OTOGL: variants seen among roughly 807,000 people sequenced by gnomAD.
The protein encoded by OTOGL is otogelin like, also known as otogelin-like protein.
Under a neutral mutation model 318.5 loss-of-function variants are expected in OTOGL, and 285 were observed. The observed-to-expected ratio is 0.89, with a 90% CI of 0.81 to 0.99. The LOEUF (loss-of-function observed/expected upper bound fraction) is 0.99, where lower values mean the gene tolerates loss of function less well. Among genes scored for constraint, OTOGL ranks in the 50% least tolerant of loss-of-function variants. The pLI, the probability that OTOGL is intolerant of heterozygous loss-of-function variation, is 0.00. For missense variants in OTOGL, 2,899 were observed against 2,845.6 expected, an observed-to-expected ratio of 1.02 and a Z score of -0.43; for synonymous variants, 987 against 936.5, an observed-to-expected ratio of 1.05 and a Z score of -0.99.
chr12:80,239,461 T>G, intron 11 of OTOGL, 22 bp downstream of exon 11: 2 of 1,487,640 alleles, frequency 1.3e-6, no homozygotes, highest in South Asian at 1.3e-5. Flanking sequence ...GACTTGTAGT[T>G]GTAATAAAAT....
chr12:80,370,824 G>A, intron 56 of OTOGL, 135 bp downstream of exon 56: 1 of 647,912 alleles, frequency 1.5e-6, no homozygotes, highest in Non-Finnish European at 2.2e-6. Flanking sequence ...ATGAATAAAA[G>A]CTCTGTTCTA....
chr12:80,125,033 C>T (rs1333236049), intron 1 of OTOGL, among the ~76,000 whole-genome samples: 2 of 152,118 alleles, frequency 1.3e-5, no homozygotes, highest in Non-Finnish European at 2.9e-5. Flanking sequence ...CCTTTATTCC[C>T]TTCTCCTGCC....
intron 52 of OTOGL, among the ~76,000 whole-genome samples, chr12:80,361,867 A>G (rs888889321): frequency 1.3e-5 from 2 of 152,062 alleles, no homozygotes; most frequent in Admixed American, 6.6e-5. Flanking sequence ...TTCTTTACAT[A>G]TTTTGGATAT....
At chr12:80,343,086 G>A (rs986782430) in intron 44 of OTOGL, among the ~76,000 whole-genome samples, 3 of 152,112 alleles carry the variant, frequency 2.0e-5, no homozygotes, top group African/African-American at 7.2e-5. Context: ...GTGTTAGCCA[G>A]GATGGTCTCG....
chr12:80,148,196 T>A (rs1479044539), intron 1 of OTOGL, among the ~76,000 whole-genome samples: 1 of 151,644 alleles, frequency 6.6e-6, no homozygotes, highest in Non-Finnish European at 1.5e-5. Flanking sequence ...TGGTACCGGT[T>A]GTTCCTGTCC....
At chr12:80,359,233 G>C (rs1004401959) in intron 52 of OTOGL, among the ~76,000 whole-genome samples, 12 of 152,112 alleles carry the variant, frequency 7.9e-5, no homozygotes, top group Admixed American at 3.3e-4. Flanking sequence ...TTAAGAAAGT[G>C]AGCTAATAAT....
intron 29 of OTOGL, among the ~76,000 whole-genome samples, chr12:80,309,921 C>T (rs893999889): frequency 7.2e-5 from 11 of 151,786 alleles, no homozygotes; most frequent in African/African-American, 2.4e-4. Flanking sequence ...ACGCGTGTAC[C>T]GAATGAGAAA....
At chr12:80,311,586 T>A (rs1565975666) in intron 30 of OTOGL, among the ~76,000 whole-genome samples, 1 of 144,772 alleles carries the variant, frequency 6.9e-6, no homozygotes, top group Admixed American at 6.7e-5. Flanking sequence ...TTTCTATTTT[T>A]AGTAGAGACC....
chr12:80,353,504 G>C lies in OTOGL; in HGVS notation c.5587G>C (p.Glu1863Gln). Reference sequence around the variant, plus strand: ...TTCAGCCCAGTGCATTCCAGAGAAAGAGTGTGGTAAGACACAAAGTACAAA... The same window carrying C: ...TTCAGCCCAGTGCATTCCAGAGAAACAGTGTGGTAAGACACAAAGTACAAA... The part of the protein sequence containing the change: ...PHSAQCIPEK[E>Q]CACTDSEDQP... Residue 1863 changes from glutamate to glutamine, a missense_variant, in exon 46 of 59, where the codon GAG becomes CAG. Transcript: ENST00000547103. 3 of 1,555,530 alleles carry C rather than the reference G, an allele frequency of 1.9e-6. No individual in the cohort carries two copies. Among genetic ancestry groups the C allele is most frequent in the Non-Finnish European group, 2.6e-6 (3 of 1,149,866 alleles).
At chr12:80,178,057 CTTTCTTTTTTT>C (rs1874649643) in intron 1 of OTOGL, among the ~76,000 whole-genome samples, 4 of 125,416 alleles carry the variant, frequency 3.2e-5, no homozygotes, top group Non-Finnish European at 3.3e-5. Context: ...TTCTTTCTTT[CTTTCTTTTTTT>C]TTTTTTTTTT....
chr12:80,230,387 T>C (rs1328178111), intron 8 of OTOGL, among the ~76,000 whole-genome samples: 2 of 152,136 alleles, frequency 1.3e-5, no homozygotes, highest in Non-Finnish European at 1.5e-5. Context: ...TAAAAGAAAG[T>C]TTAGGCATTT....
At chr12:80,156,101 G>A (rs748582051) in intron 1 of OTOGL, among the ~76,000 whole-genome samples, 6 of 152,248 alleles carry the variant, frequency 3.9e-5, no homozygotes, top group Admixed American at 3.9e-4. Context: ...TGTTGCCAAA[G>A]GAGATTAACA....
intron 1 of OTOGL, among the ~76,000 whole-genome samples, chr12:80,163,967 A>C (rs1196060983): frequency 6.6e-6 from 1 of 152,174 alleles, no homozygotes; most frequent in Non-Finnish European, 1.5e-5. Context: ...GGAGGCTATG[A>C]AGAATTGAGG....
chr12:80,147,031 G>A (rs1872427114), intron 1 of OTOGL, among the ~76,000 whole-genome samples: 1 of 151,258 alleles, frequency 6.6e-6, no homozygotes, highest in African/African-American at 2.4e-5. Flanking sequence ...ATTTTTTGAA[G>A]GGTTTTTTGT....
At chr12:80,328,892 C>A in intron 36 of OTOGL, 148 bp downstream of exon 36, 1 of 1,037,972 alleles carries the variant, frequency 9.6e-7, no homozygotes, top group Non-Finnish European at 1.4e-6. Flanking sequence ...GCTTTTTTTC[C>A]CTAATTACTT....
At chr12:80,117,007 A>G (rs944057207) in intron 1 of OTOGL, among the ~76,000 whole-genome samples, 5 of 152,202 alleles carry the variant, frequency 3.3e-5, no homozygotes, top group Admixed American at 6.5e-5. Context: ...GCCATAGGAC[A>G]GGAGATGCAA....
chr12:80,267,292 A>G lies in OTOGL; in HGVS notation c.2430A>G (p.Gln810=). The G allele has an allele frequency of 1.3e-6, 2 of 1,566,962 alleles. No individual in the cohort carries two copies. The highest frequency in any genetic ancestry group is 1.7e-6 in the Non-Finnish European group (2 of 1,145,472). Residue 810 remains glutamine (Q), a synonymous_variant, in exon 22 of 59, where the codon CAA becomes CAG. Coordinates refer to ENST00000547103, the MANE Select transcript of OTOGL (RefSeq NM_001378609.3). The stretch of plus-strand genomic sequence containing the variant: ...GTCATTATAGGGGCAGTGTTTATCA[A>G]CCTGGAGAGCTCATCCCCACACCCT... ...CRCHYRGSVY[Q]PGELIPTPSG...
At chr12:80,202,994 A>T (rs1401070046) in intron 1 of OTOGL, among the ~76,000 whole-genome samples, 4 of 152,226 alleles carry the variant, frequency 2.6e-5, no homozygotes, top group Non-Finnish European at 5.9e-5. Flanking sequence ...CCTGTGATTT[A>T]CATTTCAATA....
intron 47 of OTOGL, 176 bp from the exon 48 acceptor site, chr12:80,356,240 T>G: frequency 3.2e-6 from 2 of 615,576 alleles, no homozygotes; most frequent in South Asian, 4.2e-5. Flanking sequence ...TGCTGCATTT[T>G]CATATATGGC....
Sources: allele counts gnomAD v4.1 joint callset (sites outside exome capture counted in the v4.1 genomes callset), GRCh38; gene constraint gnomAD v4.1.1; transcripts MANE v1.5; gene names NCBI Gene and HGNC (gene_info 2026-07-23, HGNC 2026-07-21).